Variants in AKAP6 observed in about 807,000 individuals in gnomAD.
AKAP6 encodes A-kinase anchoring protein 6, also known as A-kinase anchor protein 6.
In AKAP6, 58 loss-of-function variants were observed where a neutral mutation model predicts 188.5. The ratio of observed to expected loss-of-function variants is 0.31; its 90% CI spans 0.25 to 0.38. The LOEUF (loss-of-function observed/expected upper bound fraction) is 0.38. Ranked by LOEUF, AKAP6 falls within the 10% of genes least tolerant of loss-of-function variation. AKAP6 has a pLI of 1.00. For synonymous variants in AKAP6, 989 were observed against 998.6 expected, an observed-to-expected ratio of 0.99 and a Z score of 0.18; for missense variants, 2,710 against 2,740.0, an observed-to-expected ratio of 0.99 and a Z score of 0.24.
chr14:32,515,207 T>C (rs1249308428), intron 2 of AKAP6, among the ~76,000 whole-genome samples: 1 of 152,128 alleles, frequency 6.6e-6, no homozygotes, highest in Non-Finnish European at 1.5e-5. Flanking sequence ...GGAACTTCCA[T>C]TTATAAAACC....
chr14:32,399,781 G>A (rs1016578902), intron 1 of AKAP6, among the ~76,000 whole-genome samples: 16 of 151,892 alleles, frequency 1.1e-4, no homozygotes, highest in Admixed American at 3.9e-4. Context: ...CCTTTCTCTC[G>A]TTTTTAATTC....
At chr14:32,597,674 G>C (rs1885761159) in intron 5 of AKAP6, among the ~76,000 whole-genome samples, 2 of 152,112 alleles carry the variant, frequency 1.3e-5, no homozygotes, top group African/African-American at 4.8e-5. Context: ...GAACAGCCTT[G>C]GGGAAACCTG....
intron 13 of AKAP6, among the ~76,000 whole-genome samples, chr14:32,826,528 A>C (rs901187648): frequency 1.3e-5 from 2 of 152,170 alleles, no homozygotes; most frequent in South Asian, 4.1e-4. Flanking sequence ...AAGGGGATAA[A>C]GGCTTGAAAG....
chr14:32,397,237 A>G (rs530738311), intron 1 of AKAP6, among the ~76,000 whole-genome samples: 1 of 152,318 alleles, frequency 6.6e-6, no homozygotes, highest in African/African-American at 2.4e-5. Context: ...ATGCCAGGAT[A>G]GCCAAGGGTG....
In AKAP6 at chr14:32,787,909, A is replaced by G. The variant is rs769600607; in HGVS notation, c.3588+14016A>G. 5.5e-4 allele frequency among the ~76,000 whole-genome samples: 84 copies of G among 152,126 alleles called. 1 individual carries two copies. The highest frequency in any genetic ancestry group is 1.7e-3 in the South Asian group (8 of 4,812). On this transcript the variant is annotated intron_variant, in intron 12 of 13. Transcript: ENST00000280979. ...CCTGTTTCCACTTATTACAGCCAAAAACAAATGTGTCATTCCAAATCCTTG... is the reference window on the plus strand; with the variant it reads ...CCTGTTTCCACTTATTACAGCCAAAGACAAATGTGTCATTCCAAATCCTTG...
intron 1 of AKAP6, among the ~76,000 whole-genome samples, chr14:32,372,722 G>T (rs17406568): frequency 2.0e-5 from 3 of 151,390 alleles, no homozygotes; most frequent in African/African-American, 7.3e-5. Flanking sequence ...CATTACCTTG[G>T]AAGAATGAAT....
chr14:32,629,823 T>G (rs939494652), intron 7 of AKAP6, among the ~76,000 whole-genome samples: 14 of 152,024 alleles, frequency 9.2e-5, no homozygotes, highest in Admixed American at 2.0e-4. Flanking sequence ...GCCTGTAATC[T>G]GAACACTTTG....
intron 12 of AKAP6, among the ~76,000 whole-genome samples, chr14:32,800,321 A>C (rs927256950): frequency 7.3e-5 from 11 of 151,388 alleles, no homozygotes; most frequent in African/African-American, 2.7e-4. Context: ...AGGATTGCTC[A>C]AGCCTAGGAG....
Position 32,542,216 on chromosome 14 carries a change from G to A in AKAP6, c.577-3014G>A, listed in dbSNP as rs529650264. On this transcript the variant is annotated intron_variant, in intron 3 of 13. Transcript: ENST00000280979. ...CTAATTAGTGCTACAGCCAGAATTC[G>A]AAACTTGGGCTTTTAATTATTGGAG... Among the ~76,000 whole-genome samples the A allele has an allele frequency of 3.0e-3, 461 of 152,236 alleles. 6 individuals carry two copies. The highest frequency in any genetic ancestry group is 0.014 in the Middle Eastern group (4 of 294).
chr14:32,682,729 G>A (rs547034049), intron 8 of AKAP6, among the ~76,000 whole-genome samples: 3 of 152,208 alleles, frequency 2.0e-5, no homozygotes, highest in Non-Finnish European at 4.4e-5. Context: ...CAGCCTGCCC[G>A]ACCCTACTGA....
intron 1 of AKAP6, among the ~76,000 whole-genome samples, chr14:32,334,740 C>T (rs751187886): frequency 6.6e-6 from 1 of 152,138 alleles, no homozygotes; most frequent in Non-Finnish European, 1.5e-5. Context: ...TTCTTCTCCA[C>T]GAGCACATAC....
At chr14:32,366,480 G>C (rs1304621445) in intron 1 of AKAP6, among the ~76,000 whole-genome samples, 2 of 152,154 alleles carry the variant, frequency 1.3e-5, no homozygotes, top group Non-Finnish European at 2.9e-5. Context: ...AGTTGTGGGG[G>C]AAGTCTGTGA....
chr14:32,392,583 A>G (rs112581660), intron 1 of AKAP6, among the ~76,000 whole-genome samples: 3,112 of 152,248 alleles, frequency 0.02, 102 homozygotes, highest in African/African-American at 0.07. Context: ...TACCTTTTCC[A>G]AATAAAGGGA....
At chr14:32,417,061 C>T (rs185935959) in intron 1 of AKAP6, among the ~76,000 whole-genome samples, 68 of 152,184 alleles carry the variant, frequency 4.5e-4, no homozygotes, top group African/African-American at 1.5e-3. Context: ...AGGCTGGTCT[C>T]GAGCTCCTGT....
chr14:32,434,847 A>G (rs1890330413), intron 2 of AKAP6, among the ~76,000 whole-genome samples: 1 of 152,178 alleles, frequency 6.6e-6, no homozygotes, highest in Admixed American at 6.5e-5. Context: ...CAGCTGCCCC[A>G]TTACAGAAAG....
At chr14:32,702,777 G>C (rs1031856571) in intron 9 of AKAP6, among the ~76,000 whole-genome samples, 1 of 152,130 alleles carries the variant, frequency 6.6e-6, no homozygotes, top group South Asian at 2.1e-4. Context: ...ACGAGCCGTG[G>C]GGAAAGTTCC....
chr14:32,456,044 TC>T (rs1891136468), intron 2 of AKAP6, among the ~76,000 whole-genome samples: 1 of 152,134 alleles, frequency 6.6e-6, no homozygotes, highest in Admixed American at 6.6e-5. Context: ...CTGTTTTTTT[TC>T]GGTGGTAGAG....
chr14:32,734,152 A>AT (rs1255991734), intron 10 of AKAP6: 1 of 152,120 alleles, frequency 6.6e-6, no homozygotes. Flanking sequence ...GTGAGGGAAG[A>AT]TTTTTTTAAA....
intron 5 of AKAP6, among the ~76,000 whole-genome samples, chr14:32,596,929 C>G (rs868809429): frequency 1.3e-5 from 2 of 152,282 alleles, no homozygotes; most frequent in Non-Finnish European, 2.9e-5. Flanking sequence ...TCTGCCTTCT[C>G]AGAGGCTCAT....
Sources: allele counts gnomAD v4.1 joint callset (sites outside exome capture counted in the v4.1 genomes callset), GRCh38; gene constraint gnomAD v4.1.1; transcripts MANE v1.5; gene names NCBI Gene and HGNC (gene_info 2026-07-23, HGNC 2026-07-21).